The following MTSS1 variants were observed in gnomAD, a reference collection of about 807,000 sequenced individuals.
MTSS1 encodes the protein protein MTSS 1.
Under a neutral mutation model 79.0 loss-of-function variants are expected in MTSS1, and 18 were observed. The ratio of observed to expected loss-of-function variants is 0.23; its 90% CI spans 0.16 to 0.34. The LOEUF is 0.34. MTSS1 is among the 10% of genes least tolerant of loss of function. The pLI, the probability that MTSS1 is intolerant of heterozygous loss-of-function variation, is 1.00. For synonymous variants in MTSS1, 341 were observed against 368.6 expected (o/e 0.93, Z 0.86); for missense variants, 815 against 986.2 (o/e 0.83, Z 2.33).
chr8:124,559,373 G>A (rs998859328), intron 10 of MTSS1, among the ~76,000 whole-genome samples: 1 of 152,162 alleles, frequency 6.6e-6, no homozygotes, highest in East Asian at 1.9e-4. Flanking sequence ...TGCAGCCTGT[G>A]GATCCATGAG....
At chr8:124,565,931 C>A in intron 8 of MTSS1, 172 bp from the exon 9 acceptor site, 2 of 500,118 alleles carry the variant, frequency 4.0e-6, no homozygotes, top group Non-Finnish European at 3.6e-6. Flanking sequence ...CCAAATCCAT[C>A]AATATCATAA....
At chr8:124,588,549 C>T (rs1368256501) in intron 5 of MTSS1, among the ~76,000 whole-genome samples, 4 of 152,214 alleles carry the variant, frequency 2.6e-5, no homozygotes, top group Non-Finnish European at 5.9e-5. Context: ...ACAACTCACT[C>T]AACCAGTTCA....
chr8:124,580,457 C>T lies in MTSS1; in HGVS notation c.460+4630G>A, dbSNP rs928071374. The T allele has an allele frequency of 4.3e-6, 6 of 1,389,026 alleles. No homozygotes were observed. The African/African-American group carries it at 8.6e-5, about 20-fold the overall frequency. 86.0% of individuals were successfully genotyped at this position (1,389,026 alleles called of 1,614,324 possible). A position where few individuals can be genotyped will look rare whatever the true frequency, so the allele number is the denominator to read the frequency against. ...GATTGTTTTGAGCTGGTAGAAAAAC[C>T]TGGGCAGCTAGCAGAGGTCTGGACA... On this transcript the variant is annotated intron_variant, in intron 6 of 13. Coordinates refer to ENST00000518547, the MANE Select transcript of MTSS1 (RefSeq NM_014751.6).
At chr8:124,565,200 A>G (rs943748389) in intron 9 of MTSS1, among the ~76,000 whole-genome samples, 1 of 152,220 alleles carries the variant, frequency 6.6e-6, no homozygotes, top group Non-Finnish European at 1.5e-5. Flanking sequence ...TGACTGACAG[A>G]GCAAGAACTC....
intron 10 of MTSS1, among the ~76,000 whole-genome samples, chr8:124,560,269 C>T (rs1824998912): frequency 6.6e-6 from 1 of 152,198 alleles, no homozygotes; most frequent in African/African-American, 2.4e-5. Flanking sequence ...GCCTGTAATC[C>T]TGGCACTTTG....
At chr8:124,579,298 A>T (rs1236993003) in intron 6 of MTSS1, among the ~76,000 whole-genome samples, 2 of 152,180 alleles carry the variant, frequency 1.3e-5, no homozygotes, top group African/African-American at 4.8e-5. Flanking sequence ...AAATGTCCAG[A>T]ATAGGCAAAT....
intron 1 of MTSS1, among the ~76,000 whole-genome samples, chr8:124,719,965 A>T (rs1382511953): frequency 6.6e-6 from 1 of 152,240 alleles, no homozygotes; most frequent in African/African-American, 2.4e-5. Flanking sequence ...TAGAGCTAGG[A>T]AACGCTAGAG....
At chr8:124,676,004 T>A (rs946323504) in intron 3 of MTSS1, among the ~76,000 whole-genome samples, 1 of 152,198 alleles carries the variant, frequency 6.6e-6, no homozygotes, top group Admixed American at 6.5e-5. Context: ...CTAACAAGTA[T>A]GTGAGGTAGA....
chr8:124,609,410 G>C (rs941120666), intron 3 of MTSS1, among the ~76,000 whole-genome samples: 2 of 152,052 alleles, frequency 1.3e-5, no homozygotes, highest in African/African-American at 4.8e-5. Context: ...GAAGAGTTAA[G>C]GGTCAGAAAG....
chr8:124,663,438 C>T (rs557647892), intron 3 of MTSS1, among the ~76,000 whole-genome samples: 107 of 152,220 alleles, frequency 7.0e-4, no homozygotes, highest in Middle Eastern at 6.8e-3. Flanking sequence ...TTCCTCAAAT[C>T]GGAAGCCTCT....
chr8:124,657,169 A>G (rs1359950530), intron 3 of MTSS1, among the ~76,000 whole-genome samples: 1 of 152,192 alleles, frequency 6.6e-6, no homozygotes, highest in Admixed American at 6.5e-5. Flanking sequence ...GGCCTAATCT[A>G]TTAGCAGAGT....
intron 3 of MTSS1, among the ~76,000 whole-genome samples, chr8:124,688,661 C>T (rs1827427627): frequency 6.6e-6 from 1 of 152,058 alleles, no homozygotes. Context: ...ACAAGCAAAC[C>T]AAAATGTCTG....
intron 6 of MTSS1, among the ~76,000 whole-genome samples, chr8:124,578,048 T>G (rs1829308977): frequency 6.6e-6 from 1 of 152,074 alleles, no homozygotes; most frequent in African/African-American, 2.4e-5. Flanking sequence ...TTTCACAGGC[T>G]TTTTCCAAGA....
At chr8:124,595,002 T>C (rs1288939265) in intron 3 of MTSS1, among the ~76,000 whole-genome samples, 6 of 152,066 alleles carry the variant, frequency 3.9e-5, no homozygotes, top group African/African-American at 1.4e-4. Context: ...ACACAGCAGC[T>C]TGAGTGAAGA....
Position 124,566,985 on chromosome 8 carries a change from C to T in MTSS1, c.726+86G>A, listed in dbSNP as rs141292703. 170 of 1,007,498 alleles carry T rather than the reference C, an allele frequency of 1.7e-4. 1 individual carries two copies. The highest frequency in any genetic ancestry group is 1.4e-4 in the South Asian group (10 of 70,910). The allele number at this position is 1,007,498 out of a possible 1,614,324, so 62.4% of individuals were successfully genotyped here. ...TGGTGAATATGACTACAATTTAAGA[C>T]GTGACACATGCCACAGGAACACTCA... On this transcript the variant is annotated intron_variant, in intron 8 of 13. Coordinates refer to ENST00000518547, the MANE Select transcript of MTSS1 (RefSeq NM_014751.6).
At chr8:124,699,359 A>C in intron 3 of MTSS1, 167 bp downstream of exon 3, 2 of 593,966 alleles carry the variant, frequency 3.4e-6, no homozygotes, top group Non-Finnish European at 6.0e-6. Context: ...CCAGAAAACT[A>C]GTTGCAACTT....
At chr8:124,702,093 CATTACTTT>C in intron 2 of MTSS1, among the ~76,000 whole-genome samples, 1 of 152,166 alleles carries the variant, frequency 6.6e-6, no homozygotes, top group Admixed American at 6.5e-5. Flanking sequence ...CTGATCTGTT[CATTACTTT>C]AAGCTTCAAG....
chr8:124,614,762 C>A (rs933156105), intron 3 of MTSS1, among the ~76,000 whole-genome samples: 3 of 152,084 alleles, frequency 2.0e-5, no homozygotes, highest in African/African-American at 7.2e-5. Context: ...ATTTTAGTGA[C>A]AAGGGGAAAA....
At chr8:124,691,644 T>C (rs1827952582) in intron 3 of MTSS1, among the ~76,000 whole-genome samples, 1 of 152,082 alleles carries the variant, frequency 6.6e-6, no homozygotes, top group South Asian at 2.1e-4. Flanking sequence ...GCCTCCCAAG[T>C]AGCTGGGACT....
Sources: gnomAD v4.1 joint callset for allele counts (sites outside exome capture counted in the v4.1 genomes callset) on GRCh38, gnomAD v4.1.1 for gene constraint, MANE v1.5 for transcripts, NCBI Gene and HGNC (gene_info 2026-07-23, HGNC 2026-07-21) for gene names.